The following CRBN variants were observed in gnomAD, a reference collection of about 807,000 sequenced individuals.
The protein encoded by CRBN is protein cereblon.
A neutral mutation model predicts 62.2 loss-of-function variants in CRBN; 53 were observed. The observed-to-expected ratio is 0.85, with a 90% CI of 0.68 to 1.07. The LOEUF is 1.07. Among genes scored for constraint, CRBN ranks in the 50% least tolerant of loss-of-function variants. CRBN has a pLI of 0.00. For missense variants in CRBN, 616 were observed against 531.1 expected (o/e 1.16, Z -1.57); for synonymous variants, 208 against 176.1 (o/e 1.18, Z -1.43).
chr3:3,168,751 G>A (rs1055458606), intron 4 of CRBN, among the ~76,000 whole-genome samples: 2 of 152,160 alleles, frequency 1.3e-5, no homozygotes, highest in Admixed American at 1.3e-4. Flanking sequence ...ATAACTGAGT[G>A]TGTTAGAAAG....
intron 4 of CRBN, among the ~76,000 whole-genome samples, chr3:3,171,309 A>G (rs1052557530): frequency 2.0e-5 from 3 of 152,234 alleles, no homozygotes; most frequent in South Asian, 2.1e-4. Context: ...TTGTATGAAG[A>G]TAAGAAGTAC....
Position 3,156,447 on chromosome 3 carries a change from AATC to A in CRBN, c.688-169_688-167del, listed in dbSNP as rs533237495. The A allele has an allele frequency of 3.3e-5, 21 of 632,930 alleles. No individual in the cohort carries two copies. The African/African-American group carries it at 3.7e-4, about 11-fold the overall frequency. 39.2% of individuals were successfully genotyped at this position (632,930 alleles called of 1,614,324 possible). A position where few individuals can be genotyped will look rare whatever the true frequency, so the allele number is the denominator to read the frequency against. ...TGACGTGACTATCTATGAAGTGTGAAATCATGCTTCCTATATCCTTCAAATATA... is the reference window on the plus strand; with the variant it reads ...TGACGTGACTATCTATGAAGTGTGAAATGCTTCCTATATCCTTCAAATATA... On this transcript the variant is annotated intron_variant, in intron 5 of 10. Transcript: ENST00000231948.
chr3:3,171,979 G>C (rs1707635769), intron 4 of CRBN, among the ~76,000 whole-genome samples: 1 of 152,158 alleles, frequency 6.6e-6, no homozygotes, highest in African/African-American at 2.4e-5. Context: ...GAAGCACTCC[G>C]TTAAGAGGTA....
chr3:3,151,288 ATAAAGAG>A (rs1242832051), intron 10 of CRBN, among the ~76,000 whole-genome samples: 1 of 152,214 alleles, frequency 6.6e-6, no homozygotes, highest in African/African-American at 2.4e-5. Context: ...CTGCATAGAA[ATAAAGAG>A]TAATCTTAAG....
At position 3,179,568 on chromosome 3, in the gene CRBN, G is replaced by T; in HGVS notation, c.67+53C>A. The T allele has an allele frequency of 1.9e-6, 3 of 1,564,632 alleles. No individual in the cohort carries two copies. The South Asian group carries it at 3.3e-5, about 17-fold the overall frequency. Reference sequence around the variant, plus strand: ...TCCCAGGCCCAGCTGCACCGCTAGCGGCTCCGAGCCTCGCCCCACTCCCGA... The same window carrying T: ...TCCCAGGCCCAGCTGCACCGCTAGCTGCTCCGAGCCTCGCCCCACTCCCGA... On this transcript the variant is annotated intron_variant, in intron 1 of 10. Transcript: ENST00000231948.
At chr3:3,179,501 C>T in intron 1 of CRBN, 120 bp downstream of exon 1, 1 of 959,232 alleles carries the variant, frequency 1.0e-6, no homozygotes, top group Non-Finnish European at 1.6e-6. Context: ...CGGTGCGGCC[C>T]TGCTGGGCTG....
chr3:3,163,410 C>G (rs1258156589), intron 5 of CRBN, among the ~76,000 whole-genome samples: 2 of 152,064 alleles, frequency 1.3e-5, no homozygotes, highest in Non-Finnish European at 2.9e-5. Flanking sequence ...CTTCTTTGGT[C>G]TTCCCAGCTC....
At chr3:3,156,355 G>A (rs1416288030) in intron 5 of CRBN, 74 bp from the exon 6 acceptor site, 2 of 1,363,750 alleles carry the variant, frequency 1.5e-6, no homozygotes, top group African/African-American at 2.9e-5. Context: ...AGCAACATCT[G>A]AAAAATGATT....
At chr3:3,165,474 C>A (rs1289576076) in intron 5 of CRBN, among the ~76,000 whole-genome samples, 1 of 152,138 alleles carries the variant, frequency 6.6e-6, no homozygotes, top group African/African-American at 2.4e-5. Context: ...CAACCACTAC[C>A]CTGATTAGTC....
intron 10 of CRBN, among the ~76,000 whole-genome samples, chr3:3,151,469 C>T (rs1438392073): frequency 6.7e-6 from 1 of 149,894 alleles, no homozygotes; most frequent in Non-Finnish European, 1.5e-5. Flanking sequence ...ACTGGATGGG[C>T]CAGGAAGGAC....
intron 5 of CRBN, among the ~76,000 whole-genome samples, chr3:3,166,549 T>G (rs771161025): frequency 7.2e-5 from 11 of 152,170 alleles, no homozygotes; most frequent in Admixed American, 1.3e-4. Context: ...GTTTCAAGGT[T>G]GTTTGGGAGT....
chr3:3,178,058 C>G (rs564279824), intron 1 of CRBN, among the ~76,000 whole-genome samples: 6 of 152,256 alleles, frequency 3.9e-5, no homozygotes, highest in Admixed American at 3.3e-4. Flanking sequence ...CTGTTCAGAG[C>G]TATCAGTGAA....
intron 5 of CRBN, among the ~76,000 whole-genome samples, chr3:3,163,763 T>C (rs1414536685): frequency 1.3e-5 from 2 of 152,162 alleles, no homozygotes; most frequent in Non-Finnish European, 2.9e-5. Context: ...AACTATTCTA[T>C]ATACCCAAAT....
In CRBN at chr3:3,150,115, G is replaced by C. The variant is rs1012480228; in HGVS notation, c.*750C>G. ...AGTCTGGGTGAGGGGACATGTTTTG[G>C]CATCTTTTCCCTATAGTAGTAGTTT... On this transcript the variant is annotated 3_prime_UTR_variant, in exon 11 of 11. Coordinates refer to ENST00000231948, the MANE Select transcript of CRBN (RefSeq NM_016302.4). The C allele has an allele frequency of 6.6e-6, 1 of 152,058 alleles. No homozygotes were observed. The highest frequency in any genetic ancestry group is 2.4e-5 in the African/African-American group (1 of 41,410). The allele number at this position is 152,058 out of a possible 1,614,324, so 9.4% of individuals were successfully genotyped here. A position where few individuals can be genotyped will look rare whatever the true frequency, so the allele number is the denominator to read the frequency against.
chr3:3,152,685 T>G (rs17027520), intron 9 of CRBN, 98 bp from the exon 10 acceptor site: 25,173 of 1,410,834 alleles, frequency 0.018, 561 homozygotes, highest in African/African-American at 0.11. Flanking sequence ...AAATGAGGTA[T>G]GAGCTATACA....
In CRBN at chr3:3,179,372, T is replaced by TA. The variant is rs1209810982; in HGVS notation, c.67+248_67+249insT. ...ACAAGGAGGATGGAGAGGATGGGTT[T>TA]CCTGTTCTTAATAGCAAATGCTCCC... On this transcript the variant is annotated intron_variant, in intron 1 of 10. Transcript: ENST00000231948. Among the ~76,000 whole-genome samples the TA allele has an allele frequency of 2.0e-5, 3 of 152,246 alleles. No homozygotes were observed. The East Asian group carries it at 5.8e-4, about 29-fold the overall frequency.
At chr3:3,156,160 G>T (rs1706883927) in intron 6 of CRBN, 59 bp downstream of exon 6, 4 of 1,380,880 alleles carry the variant, frequency 2.9e-6, no homozygotes, top group South Asian at 1.2e-5. Context: ...GTTTTTTAAT[G>T]ACCCTTAATT....
intron 5 of CRBN, among the ~76,000 whole-genome samples, chr3:3,157,602 G>C (rs1706953243): frequency 6.6e-6 from 1 of 152,124 alleles, no homozygotes; most frequent in Non-Finnish European, 1.5e-5. Flanking sequence ...ATATGATCTT[G>C]CAAGTGCCGG....
intron 1 of CRBN, among the ~76,000 whole-genome samples, chr3:3,176,328 A>G (rs1707821971): frequency 6.6e-6 from 1 of 152,252 alleles, no homozygotes; most frequent in African/African-American, 2.4e-5. Flanking sequence ...ATAAGTAAGA[A>G]AAGAAACAAA....
Sources: gnomAD v4.1 joint callset for allele counts (sites outside exome capture counted in the v4.1 genomes callset) on GRCh38, gnomAD v4.1.1 for gene constraint, MANE v1.5 for transcripts, NCBI Gene and HGNC (gene_info 2026-07-23, HGNC 2026-07-21) for gene names.